Variants in EYS observed in about 807,000 individuals in gnomAD.
EYS encodes the protein EGF-like photoreceptor maintenance factor, also known as protein eyes shut homolog.
Under a neutral mutation model 282.1 loss-of-function variants are expected in EYS, and 250 were observed. The observed-to-expected ratio is 0.89, with a 90% CI of 0.80 to 0.98. The LOEUF is 0.98. Among genes scored for constraint, EYS ranks in the 50% least tolerant of loss-of-function variants. The pLI is 0.00. For missense variants in EYS, 4,016 were observed against 3,709.0 expected, an observed-to-expected ratio of 1.08 and a Z score of -2.15; for synonymous variants, 1,355 against 1,282.9, an observed-to-expected ratio of 1.06 and a Z score of -1.20.
chr6:65,149,832 A>G (rs1407855904), intron 12 of EYS, among the ~76,000 whole-genome samples: 1 of 152,150 alleles, frequency 6.6e-6, no homozygotes, highest in African/African-American at 2.4e-5. Flanking sequence ...TGCTATGAAG[A>G]AATACCTGAA....
chr6:64,903,800 T>C (rs1474642195), intron 16 of EYS, among the ~76,000 whole-genome samples: 1 of 152,186 alleles, frequency 6.6e-6, no homozygotes, highest in Non-Finnish European at 1.5e-5. Context: ...CTGTGGTGTC[T>C]ACCATTGGAT....
chr6:64,438,717 T>C, intron 27 of EYS, among the ~76,000 whole-genome samples: 1 of 151,674 alleles, frequency 6.6e-6, no homozygotes, highest in African/African-American at 2.4e-5. Context: ...TATCTAAATA[T>C]ATATAAACTG....
intron 22 of EYS, among the ~76,000 whole-genome samples, chr6:64,771,039 G>A (rs1343217368): frequency 6.6e-6 from 1 of 151,596 alleles, no homozygotes; most frequent in African/African-American, 2.4e-5. Flanking sequence ...ACTGATGAGC[G>A]CCAATTCCCC....
At chr6:65,331,588 T>C (rs1769800286) in intron 11 of EYS, 1 of 976,188 alleles carries the variant, frequency 1.0e-6, no homozygotes, top group Admixed American at 6.2e-5. Context: ...AATTTTGTAA[T>C]TTATCCAAGA....
chr6:64,854,364 C>T (rs4305702), intron 19 of EYS, among the ~76,000 whole-genome samples: 126,720 of 151,972 alleles, frequency 0.83, 52,861 homozygotes, highest in East Asian at 0.87. Flanking sequence ...TGTCCAACAA[C>T]GATAGACTGG....
intron 29 of EYS, among the ~76,000 whole-genome samples, chr6:64,342,439 C>T (rs1441567194): frequency 6.6e-6 from 1 of 151,852 alleles, no homozygotes; most frequent in Non-Finnish European, 1.5e-5. Flanking sequence ...GAATTTTCAA[C>T]CTAGAATTTC....
At chr6:63,885,313 T>C (rs1351402738) in intron 35 of EYS, among the ~76,000 whole-genome samples, 1 of 152,178 alleles carries the variant, frequency 6.6e-6, no homozygotes, top group Non-Finnish European at 1.5e-5. Flanking sequence ...CTGCTCATTG[T>C]CCCATAGCTG....
chr6:65,442,374 T>G (rs572205576), intron 5 of EYS, among the ~76,000 whole-genome samples: 3 of 152,216 alleles, frequency 2.0e-5, no homozygotes, highest in Admixed American at 2.0e-4. Context: ...TTCTAAAGTT[T>G]AAGAACTTAG....
At chr6:64,344,753 C>A (rs1435848401) in intron 29 of EYS, among the ~76,000 whole-genome samples, 1 of 152,058 alleles carries the variant, frequency 6.6e-6, no homozygotes, top group East Asian at 1.9e-4. Flanking sequence ...AAGAGGAAGT[C>A]AAATTGTCCC....
At chr6:64,218,445 TCTTGA>T (rs1267230979) in intron 31 of EYS, among the ~76,000 whole-genome samples, 6 of 152,100 alleles carry the variant, frequency 3.9e-5, no homozygotes, top group Admixed American at 3.9e-4. Context: ...GAGGATAGAA[TCTTGA>T]CTTGGGAGAA....
intron 31 of EYS, among the ~76,000 whole-genome samples, chr6:64,102,490 A>C (rs1772863669): frequency 1.3e-5 from 2 of 152,186 alleles, no homozygotes; most frequent in African/African-American, 4.8e-5. Context: ...AAGATGATTA[A>C]GCTGCCAATC....
chr6:65,702,767 ATG>A (rs903870322), intron 1 of EYS, among the ~76,000 whole-genome samples: 1 of 151,430 alleles, frequency 6.6e-6, no homozygotes, highest in African/African-American at 2.4e-5. Context: ...ATAGATACAT[ATG>A]TGTGTGTGTG....
chr6:65,029,673 A>G (rs1040679296), intron 13 of EYS, among the ~76,000 whole-genome samples: 1 of 152,066 alleles, frequency 6.6e-6, no homozygotes, highest in Admixed American at 6.5e-5. Flanking sequence ...GAAGAACTTT[A>G]CAAGAGGAGA....
At chr6:64,235,060 T>G (rs555282123) in intron 30 of EYS, among the ~76,000 whole-genome samples, 2 of 143,802 alleles carry the variant, frequency 1.4e-5, no homozygotes, top group East Asian at 4.4e-4. Flanking sequence ...ATTTTTTGTA[T>G]TTTTATTTTT....
At chr6:63,996,995 T>A (rs1360657486) in intron 34 of EYS, among the ~76,000 whole-genome samples, 1 of 152,230 alleles carries the variant, frequency 6.6e-6, no homozygotes, top group Non-Finnish European at 1.5e-5. Flanking sequence ...GTTTATGTAC[T>A]GAAAAATACT....
At chr6:65,251,444 A>C (rs2150283266) in intron 12 of EYS, among the ~76,000 whole-genome samples, 1 of 138,890 alleles carries the variant, frequency 7.2e-6, no homozygotes, top group African/African-American at 2.9e-5. Flanking sequence ...ATAAGTTCCT[A>C]GGATTTCCAA....
chr6:65,443,599 T>G (rs973887487), intron 5 of EYS, among the ~76,000 whole-genome samples: 1 of 151,446 alleles, frequency 6.6e-6, no homozygotes, highest in Admixed American at 6.6e-5. Flanking sequence ...TACATATACA[T>G]CATATACACA....
chr6:64,993,686 C>T (rs1771152891), intron 14 of EYS, among the ~76,000 whole-genome samples: 1 of 150,598 alleles, frequency 6.6e-6, no homozygotes, highest in South Asian at 2.1e-4. Context: ...TGTAACTAAC[C>T]TGCACGTTGT....
chr6:64,525,943 A>G (rs1333302102), intron 26 of EYS, among the ~76,000 whole-genome samples: 2 of 151,844 alleles, frequency 1.3e-5, no homozygotes, highest in Non-Finnish European at 2.9e-5. Flanking sequence ...TTTTATTTGT[A>G]ATAGCAAAAA....
Sources: allele counts gnomAD v4.1 joint callset (sites outside exome capture counted in the v4.1 genomes callset), GRCh38; gene constraint gnomAD v4.1.1; transcripts MANE v1.5; gene names NCBI Gene and HGNC (gene_info 2026-07-23, HGNC 2026-07-21).